GABRB3: variants seen among roughly 807,000 people sequenced by gnomAD.
GABRB3 encodes the protein gamma-aminobutyric acid type A receptor subunit beta3, also known as gamma-aminobutyric acid receptor subunit beta-3.
In GABRB3, 14 loss-of-function variants were observed where a neutral mutation model predicts 52.1. The observed-to-expected ratio is 0.27, with a 90% confidence interval of 0.18 to 0.42. The LOEUF is 0.42. GABRB3 is among the 10% of genes least tolerant of loss of function. The pLI is 1.00. For missense variants in GABRB3, 307 were observed against 609.1 expected, an observed-to-expected ratio of 0.50 and a Z score of 5.22; for synonymous variants, 260 against 232.3, an observed-to-expected ratio of 1.12 and a Z score of -1.08.
chr15:26,735,463 A>G (rs946202671), intron 3 of GABRB3, among the ~76,000 whole-genome samples: 17 of 152,264 alleles, frequency 1.1e-4, no homozygotes, highest in African/African-American at 3.6e-4. Context: ...AGATAGTTGT[A>G]CACCCATGTT....
Position 26,547,434 on chromosome 15 carries a change from G to T in GABRB3, c.*359C>A. 1 of 448,396 alleles carries T rather than the reference G, an allele frequency of 2.2e-6. No individual in the cohort carries two copies. The highest frequency in any genetic ancestry group is 3.9e-6 in the Non-Finnish European group (1 of 255,330). The allele number at this position is 448,396 out of a possible 1,614,324, so 27.8% of individuals were successfully genotyped here. ...TTGTGTTTCACGCCCTCATTCTCAA[G>T]GCATAATATTTAGATGATACTTGTC... On this transcript the variant is annotated 3_prime_UTR_variant, in exon 9 of 9. Coordinates refer to ENST00000311550, the MANE Select transcript of GABRB3 (RefSeq NM_000814.6).
intron 3 of GABRB3, among the ~76,000 whole-genome samples, chr15:26,643,787 G>A (rs984953553): frequency 1.3e-5 from 2 of 152,096 alleles, no homozygotes; most frequent in African/African-American, 2.4e-5. Context: ...ACCACCTGCC[G>A]TCATAGGGGA....
At chr15:26,681,546 A>C (rs1226106188) in intron 3 of GABRB3, among the ~76,000 whole-genome samples, 2 of 152,126 alleles carry the variant, frequency 1.3e-5, no homozygotes, top group Admixed American at 6.6e-5. Flanking sequence ...CGATGTTTTC[A>C]AGAGTTGAGA....
At chr15:26,769,885 T>G (rs1891100305) in intron 3 of GABRB3, among the ~76,000 whole-genome samples, 1 of 152,186 alleles carries the variant, frequency 6.6e-6, no homozygotes, top group Admixed American at 6.5e-5. Context: ...ACACTTAAAG[T>G]GAGACCATTT....
chr15:26,649,028 C>A (rs1435942066), intron 3 of GABRB3, among the ~76,000 whole-genome samples: 2 of 151,598 alleles, frequency 1.3e-5, no homozygotes, highest in African/African-American at 4.8e-5. Context: ...TACAAAGGGT[C>A]TGGGCGAGCA....
At chr15:26,633,205 C>T (rs535961672) in intron 3 of GABRB3, among the ~76,000 whole-genome samples, 16 of 152,228 alleles carry the variant, frequency 1.1e-4, no homozygotes, top group Non-Finnish European at 2.1e-4. Flanking sequence ...AGGTCACTAG[C>T]TTTTTTTCAT....
At chr15:26,685,751 G>A (rs575394466) in intron 3 of GABRB3, among the ~76,000 whole-genome samples, 1 of 151,298 alleles carries the variant, frequency 6.6e-6, no homozygotes, top group South Asian at 2.1e-4. Context: ...ACCCGCAAAT[G>A]TACAGCCGAT....
At chr15:26,683,509 G>T (rs1394988117) in intron 3 of GABRB3, among the ~76,000 whole-genome samples, 1 of 152,210 alleles carries the variant, frequency 6.6e-6, no homozygotes, top group African/African-American at 2.4e-5. Flanking sequence ...GTTGGTGAAT[G>T]AATCAATGGA....
chr15:26,618,798 A>C lies in GABRB3; in HGVS notation c.461+2516T>G, dbSNP rs367926072. Among the ~76,000 whole-genome samples, 288 of 152,246 alleles carry C rather than the reference A, an allele frequency of 1.9e-3. 5 individuals carry two copies. In the East Asian group the frequency reaches 0.035, roughly 18 times the overall value. ...CAAAGGGCTAATATCCAGAATCCAC[A>C]ATGAACTCAAACAAATTTACAAGAA... is the stretch of plus-strand genomic sequence containing the variant. On this transcript the variant is annotated intron_variant, in intron 4 of 8. Transcript: ENST00000311550.
chr15:26,725,713 A>C (rs1883358042), intron 3 of GABRB3, among the ~76,000 whole-genome samples: 1 of 152,208 alleles, frequency 6.6e-6, no homozygotes, highest in Non-Finnish European at 1.5e-5. Flanking sequence ...ATATATAATG[A>C]GATATCCTGG....
chr15:26,672,440 T>C lies in GABRB3; in HGVS notation c.241-50906A>G, dbSNP rs112039828. 3.6e-3 allele frequency among the ~76,000 whole-genome samples: 553 copies of C among 152,304 alleles called. 4 individuals are homozygous for C. The highest frequency in any genetic ancestry group is 1.0e-2 in the African/African-American group (414 of 41,560). On this transcript the variant is annotated intron_variant, in intron 3 of 8. Transcript: ENST00000311550. ...TGAAGATCATCTGCTCTTCCGTAAA[T>C]GGAGTTTCTCCCTCTCTCTTTCCCC...
intron 4 of GABRB3, among the ~76,000 whole-genome samples, chr15:26,609,116 A>G (rs1433722597): frequency 1.4e-5 from 1 of 70,990 alleles, no homozygotes; most frequent in African/African-American, 3.4e-5. Context: ...ACACACACAC[A>G]CACACACACA....
intron 6 of GABRB3, among the ~76,000 whole-genome samples, chr15:26,576,979 C>T (rs1340528395): frequency 6.6e-6 from 1 of 152,104 alleles, no homozygotes; most frequent in African/African-American, 2.4e-5. Context: ...AAGCATAGAT[C>T]CTCTCTAAAA....
chr15:26,772,968 C>T lies in GABRB3; in HGVS notation c.-6G>A, dbSNP rs758722060. On this transcript the variant is annotated 5_prime_UTR_variant, in exon 1 of 9. Coordinates refer to ENST00000311550, the MANE Select transcript of GABRB3 (RefSeq NM_000814.6). ...CCTCCCGCAAGGCCCCACATCCCTC[C>T]GCCGCGCCCCGGCACGGGGGAGGGG... is the stretch of plus-strand genomic sequence containing the variant. 2.8e-6 allele frequency: 4 copies of T among 1,416,048 alleles called. No individual in the cohort carries two copies. Among genetic ancestry groups the T allele is most frequent in the African/African-American group, 3.0e-5 (2 of 66,968 alleles). The allele number at this position is 1,416,048 out of a possible 1,614,324, so 87.7% of individuals were successfully genotyped here. A position where few individuals can be genotyped will look rare whatever the true frequency, so the allele number is the denominator to read the frequency against.
intron 3 of GABRB3, among the ~76,000 whole-genome samples, chr15:26,746,618 G>A (rs1190906772): frequency 2.0e-5 from 3 of 149,344 alleles, no homozygotes; most frequent in Non-Finnish European, 4.4e-5. Context: ...TAAGTCTGAG[G>A]TTTAGGTCAA....
intron 8 of GABRB3, chr15:26,558,083 G>A (rs577766107): frequency 6.6e-6 from 1 of 152,252 alleles, no homozygotes; most frequent in East Asian, 1.9e-4. Flanking sequence ...CTCTGTGATG[G>A]AAACAATAAT....
intron 4 of GABRB3, among the ~76,000 whole-genome samples, chr15:26,603,932 A>G (rs1595474560): frequency 1.3e-5 from 2 of 152,256 alleles, no homozygotes; most frequent in East Asian, 3.9e-4. Flanking sequence ...TACAGAAATC[A>G]AACAAGAGAA....
chr15:26,739,740 T>C (rs1471027673), intron 3 of GABRB3, among the ~76,000 whole-genome samples: 3 of 152,242 alleles, frequency 2.0e-5, no homozygotes, highest in Non-Finnish European at 4.4e-5. Flanking sequence ...TATTTTGTTA[T>C]GTTCACATAA....
At chr15:26,597,295 A>C (rs933994344) in intron 4 of GABRB3, among the ~76,000 whole-genome samples, 1 of 152,148 alleles carries the variant, frequency 6.6e-6, no homozygotes, top group Non-Finnish European at 1.5e-5. Context: ...GTTTCTTAGA[A>C]ACTTCAGCCA....
Sources: allele counts gnomAD v4.1 joint callset (sites outside exome capture counted in the v4.1 genomes callset), GRCh38; gene constraint gnomAD v4.1.1; transcripts MANE v1.5; gene names NCBI Gene and HGNC (gene_info 2026-07-23, HGNC 2026-07-21).